Variants in GPD1 observed in about 807,000 individuals in gnomAD.
The protein encoded by GPD1 is glycerol-3-phosphate dehydrogenase [NAD(+)], cytoplasmic.
Under a neutral mutation model 34.4 loss-of-function variants are expected in GPD1, and 19 were observed. That is an observed-to-expected ratio of 0.55 (90% confidence interval 0.39 to 0.81). GPD1 has a LOEUF of 0.81. GPD1 is among the 30% of genes least tolerant of loss of function. The pLI, the probability that GPD1 is intolerant of heterozygous loss-of-function variation, is 0.00. For missense variants in GPD1, 429 were observed against 447.0 expected (o/e 0.96, Z 0.36); for synonymous variants, 172 against 174.1 (o/e 0.99, Z 0.09).
At position 50,106,726 on chromosome 12, in the gene GPD1, G is replaced by A. The variant is rs1322514721; in HGVS notation, c.500-79G>A. 4.8e-6 allele frequency: 4 copies of A among 829,626 alleles called. No individual in the cohort carries two copies. In the South Asian group the frequency reaches 5.5e-5, roughly 11 times the overall value. The allele number at this position is 829,626 out of a possible 1,614,324, so 51.4% of individuals were successfully genotyped here. A position where few individuals can be genotyped will look rare whatever the true frequency, so the allele number is the denominator to read the frequency against. On this transcript the variant is annotated intron_variant, in intron 4 of 7. Coordinates refer to ENST00000301149, the MANE Select transcript of GPD1 (RefSeq NM_005276.4). The stretch of plus-strand genomic sequence containing the variant: ...GTTTGAGTCCAGCCTGGGCAACAGA[G>A]AGAGACTCCCATCTCTATAAAATAA...
intron 2 of GPD1, chr12:50,105,175 T>TG: frequency 3.2e-6 from 1 of 309,248 alleles, no homozygotes; most frequent in Non-Finnish European, 6.0e-6. Context: ...GCAGAAAGGC[T>TG]GGGGCTCCCC....
rs766718560 is a variant in GPD1 at position 50,106,344 on chromosome 12, C to CA, written c.417_418insA (p.Leu140ThrfsTer19). On this transcript the variant is annotated frameshift_variant, in exon 4 of 8. Coordinates refer to ENST00000301149, the MANE Select transcript of GPD1 (RefSeq NM_005276.4). LOFTEE classifies it high-confidence loss of function. ...TCATCTCGGAAGTGATTGGGGAGCG[C>CA]CTCGGCATCCCCATGAGTGTGCTGA... The CA allele has an allele frequency of 6.2e-7, 1 of 1,613,534 alleles. No individual in the cohort carries two copies. Among genetic ancestry groups the CA allele is most frequent in the East Asian group, 2.2e-5 (1 of 44,862 alleles).
intron 4 of GPD1, 53 bp downstream of exon 4, chr12:50,106,479 C>T: frequency 6.7e-7 from 1 of 1,487,406 alleles, no homozygotes; most frequent in Non-Finnish European, 9.3e-7. Context: ...CATCCCCTCC[C>T]CAAACTGCCC....
At chr12:50,105,436 C>A in intron 2 of GPD1, 112 bp from the exon 3 acceptor site, 1 of 1,069,676 alleles carries the variant, frequency 9.3e-7, no homozygotes, top group Admixed American at 2.3e-5. Context: ...CCCAAACAAG[C>A]CTTCCTGCTC....
rs1292368429 is a variant in GPD1 at position 50,108,728 on chromosome 12, GTATT to G, written c.953+603_953+606del. Among the ~76,000 whole-genome samples the G allele has an allele frequency of 2.6e-5, 4 of 152,146 alleles. No homozygotes were observed. The East Asian group carries it at 5.8e-4, about 22-fold the overall frequency. ...CAAAAGGACAGTAAGAAGGAAATGA[GTATT>G]TATTAAGCACTTTCACATCATACCT... is the stretch of plus-strand genomic sequence containing the variant. On this transcript the variant is annotated intron_variant, in intron 7 of 7. Transcript: ENST00000301149.
rs969491157 is a variant in GPD1 at position 50,104,042 on chromosome 12, C to T, written c.-9C>T. The T allele has an allele frequency of 3.0e-5, 48 of 1,613,926 alleles. No homozygotes were observed. The highest frequency in any genetic ancestry group is 1.6e-4 in the Middle Eastern group (1 of 6,062). ...GGCACTGAGCCGGCTCAGGCAGAGA[C>T]GCGGCACCATGGCTAGCAAGAAAGT... On this transcript the variant is annotated 5_prime_UTR_variant, in exon 1 of 8. In the 5' UTR this introduces an upstream ATG that the reference lacks. Coordinates refer to ENST00000301149, the MANE Select transcript of GPD1 (RefSeq NM_005276.4).
chr12:50,107,844 C>A, intron 6 of GPD1, 44 bp downstream of exon 6: 2 of 1,397,082 alleles, frequency 1.4e-6, no homozygotes, highest in Non-Finnish European at 2.0e-6. Context: ...GCTCTGTAGG[C>A]ATCCAGGTAG....
Position 50,108,139 on chromosome 12 carries a change from T to C in GPD1, c.953+9T>C, listed in dbSNP as rs991513241. 1 of 1,490,650 alleles carries C rather than the reference T, an allele frequency of 6.7e-7. No individual in the cohort carries two copies. The highest frequency in any genetic ancestry group is 9.3e-7 in the Non-Finnish European group (1 of 1,070,434). 92.3% of individuals were successfully genotyped at this position (1,490,650 alleles called of 1,614,324 possible). ...AAGGGCCTGGTAGACAAGTAAGTATTGGCCACAGCCCCACTGATTAAGGGA... is the reference window on the plus strand; with the variant it reads ...AAGGGCCTGGTAGACAAGTAAGTATCGGCCACAGCCCCACTGATTAAGGGA... On this transcript the variant is annotated intron_variant, in intron 7 of 7. Transcript: ENST00000301149.
Position 50,109,579 on chromosome 12 carries a change from G to A in GPD1, c.*60G>A. The A allele has an allele frequency of 2.4e-6, 2 of 827,190 alleles. No homozygotes were observed. Among genetic ancestry groups the A allele is most frequent in the Non-Finnish European group, 4.3e-6 (2 of 465,980 alleles). The allele number at this position is 827,190 out of a possible 1,614,324, so 51.2% of individuals were successfully genotyped here. A position where few individuals can be genotyped will look rare whatever the true frequency, so the allele number is the denominator to read the frequency against. ...CCCCAGTGGAGACCAGCAGAAGCCTGGGGTACCTAGTCACCAGGATCTCCA... is the reference window on the plus strand; with the variant it reads ...CCCCAGTGGAGACCAGCAGAAGCCTAGGGTACCTAGTCACCAGGATCTCCA... On this transcript the variant is annotated 3_prime_UTR_variant, in exon 8 of 8. Coordinates refer to ENST00000301149, the MANE Select transcript of GPD1 (RefSeq NM_005276.4).
chr12:50,104,813 C>A, intron 2 of GPD1, 62 bp downstream of exon 2: 2 of 1,430,290 alleles, frequency 1.4e-6, no homozygotes, highest in Non-Finnish European at 9.7e-7. Context: ...TTGGAGCCGA[C>A]CTTACTCAAC....
intron 6 of GPD1, 50 bp downstream of exon 6, chr12:50,107,850 G>A (rs776449993): frequency 3.7e-6 from 5 of 1,337,814 alleles, no homozygotes; most frequent in African/African-American, 1.4e-5. Context: ...TAGGCATCCA[G>A]GTAGAGGTGC....
Position 50,106,791 on chromosome 12 carries a change from C to T in GPD1, c.500-14C>T, listed in dbSNP as rs762778325. On this transcript the variant is annotated splice_polypyrimidine_tract_variant and intron_variant, in intron 4 of 7. Transcript: ENST00000301149. ...GAGTCCTTCCCTCAAAGCCTTGCCCCCTCCTCACTTTAGGCTGCAAGGACC... is the reference window on the plus strand; with the variant it reads ...GAGTCCTTCCCTCAAAGCCTTGCCCTCTCCTCACTTTAGGCTGCAAGGACC... 4 of 1,472,664 alleles carry T rather than the reference C, an allele frequency of 2.7e-6. No individual in the cohort carries two copies. The highest frequency in any genetic ancestry group is 2.3e-5 in the East Asian group (1 of 44,024). 91.2% of individuals were successfully genotyped at this position (1,472,664 alleles called of 1,614,324 possible).
Position 50,106,655 on chromosome 12 carries a change from C to T in GPD1, c.500-150C>T, listed in dbSNP as rs995665708. The T allele has an allele frequency of 1.2e-5, 8 of 655,358 alleles. No individual in the cohort carries two copies. In the African/African-American group the frequency reaches 1.5e-4, roughly 12 times the overall value. 40.6% of individuals were successfully genotyped at this position (655,358 alleles called of 1,614,324 possible). A position where few individuals can be genotyped will look rare whatever the true frequency, so the allele number is the denominator to read the frequency against. ...TTGGTGCAGTGGCACACCTGTGGTC[C>T]CAGCTACTTAAGAGGCTGAGGTGGG... On this transcript the variant is annotated intron_variant, in intron 4 of 7. Coordinates refer to ENST00000301149, the MANE Select transcript of GPD1 (RefSeq NM_005276.4).
chr12:50,104,428 ATT>A, intron 1 of GPD1, 144 bp from the exon 2 acceptor site: 1 of 735,736 alleles, frequency 1.4e-6, no homozygotes. Flanking sequence ...ACTGGGGACT[ATT>A]TGTCATGGGA....
At chr12:50,109,402 G>A in intron 7 of GPD1, 21 bp from the exon 8 acceptor site, 5 of 1,281,222 alleles carry the variant, frequency 3.9e-6, no homozygotes, top group Non-Finnish European at 5.7e-6. Context: ...GCTAAGCTGA[G>A]CCTTTCCCTC....
intron 2 of GPD1, chr12:50,105,253 C>A: frequency 2.5e-6 from 1 of 400,874 alleles, no homozygotes; most frequent in Non-Finnish European, 4.5e-6. Flanking sequence ...TTTGCCAAGC[C>A]CAGGCTGCTT....
At chr12:50,108,866 G>C (rs888346893) in intron 7 of GPD1, among the ~76,000 whole-genome samples, 4 of 152,186 alleles carry the variant, frequency 2.6e-5, no homozygotes, top group Non-Finnish European at 4.4e-5. Flanking sequence ...GCTGGGTGTG[G>C]TGTCTCACAC....
rs999347787 is a variant in GPD1 at position 50,109,673 on chromosome 12, C to T, written c.*154C>T. On this transcript the variant is annotated 3_prime_UTR_variant, in exon 8 of 8. Transcript: ENST00000301149. ...CAGGAGGCTATGGGGCCCAGCTACG[C>T]ACCTGGAGATCCTGAACTGTCAAGC... 14 of 591,664 alleles carry T rather than the reference C, an allele frequency of 2.4e-5. No individual in the cohort carries two copies. Among genetic ancestry groups the T allele is most frequent in the East Asian group, 8.4e-5 (3 of 35,804 alleles). 36.7% of individuals were successfully genotyped at this position (591,664 alleles called of 1,614,324 possible). A position where few individuals can be genotyped will look rare whatever the true frequency, so the allele number is the denominator to read the frequency against.
intron 1 of GPD1, 134 bp downstream of exon 1, chr12:50,104,225 A>C: frequency 1.1e-6 from 1 of 891,888 alleles, no homozygotes; most frequent in Non-Finnish European, 1.9e-6. Flanking sequence ...ATAGCAGCAC[A>C]GGACAGACGG....
Sources: allele counts gnomAD v4.1 joint callset (sites outside exome capture counted in the v4.1 genomes callset), GRCh38; gene constraint gnomAD v4.1.1; transcripts MANE v1.5; gene names NCBI Gene and HGNC (gene_info 2026-07-23, HGNC 2026-07-21).